Variants in CDS2 observed in about 807,000 individuals in gnomAD.
CDS2 encodes phosphatidate cytidylyltransferase 2.
Under a neutral mutation model 59.0 loss-of-function variants are expected in CDS2, and 47 were observed. The observed-to-expected ratio is 0.80, with a 90% confidence interval of 0.63 to 1.02. The LOEUF is 1.02. Ranked by LOEUF, CDS2 falls within the 50% of genes least tolerant of loss-of-function variation. The pLI, the probability that CDS2 is intolerant of heterozygous loss-of-function variation, is 0.00. For synonymous variants in CDS2, 207 were observed against 206.4 expected, an observed-to-expected ratio of 1.00 and a Z score of -0.02; for missense variants, 356 against 558.9, an observed-to-expected ratio of 0.64 and a Z score of 3.66.
chr20:5,178,674 T>G, intron 4 of CDS2, 143 bp from the exon 5 acceptor site: 1 of 695,482 alleles, frequency 1.4e-6, no homozygotes, highest in South Asian at 1.9e-5. Context: ...AACCATGGTC[T>G]GCCTGTTGCT....
intron 3 of CDS2, chr20:5,176,134 G>A (rs1205297989): frequency 6.5e-6 from 1 of 153,196 alleles, no homozygotes; most frequent in Non-Finnish European, 1.5e-5. Flanking sequence ...AAAGTTAATT[G>A]AGGGTCAGGC....
At chr20:5,127,634 G>A (rs1037692927) in intron 1 of CDS2, among the ~76,000 whole-genome samples, 1 of 152,198 alleles carries the variant, frequency 6.6e-6, no homozygotes, top group Non-Finnish European at 1.5e-5. Context: ...CCCTTCTTGG[G>A]CATGAAATCA....
At position 5,184,861 on chromosome 20, in the gene CDS2, C is replaced by T. The variant is rs200494742; in HGVS notation, c.675C>T (p.Phe225=). The T allele has an allele frequency of 6.2e-7, 1 of 1,613,044 alleles. No individual in the cohort carries two copies. The highest frequency in any genetic ancestry group is 8.5e-7 in the Non-Finnish European group (1 of 1,179,048). ...CCTTACTTTGGTTCATTTCTAGGTT[C>T]ATTGTCCCCATATCTTGTGTGATCT... is the stretch of plus-strand genomic sequence containing the variant. ...IHNLFEGMIW[F]IVPISCVICN... The change falls in exon 8 of 13, where the codon TTC becomes TTT. Residue 225 remains phenylalanine (F), a synonymous_variant. Transcript: ENST00000460006. This position sits in a 1 kb window ranked among gnomAD's most constrained non-coding sequence, Gnocchi z 4.3.
chr20:5,169,227 C>T (rs369931056), intron 1 of CDS2, among the ~76,000 whole-genome samples: 42 of 152,194 alleles, frequency 2.8e-4, no homozygotes, highest in Admixed American at 1.6e-3. Flanking sequence ...TCCCGGCCCT[C>T]GGGATTGAAA....
chr20:5,189,262 C>T (rs1568545713), intron 11 of CDS2, 76 bp downstream of exon 11: 2 of 1,541,450 alleles, frequency 1.3e-6, no homozygotes, highest in Non-Finnish European at 1.8e-6. Flanking sequence ...TCCCTGCCCC[C>T]TCCAAAATAC....
Position 5,193,761 on chromosome 20 carries a change from T to A in CDS2, c.*3527T>A, listed in dbSNP as rs2091135879. 1 of 152,218 alleles carries A rather than the reference T, an allele frequency of 6.6e-6. No homozygotes were observed. The highest frequency in any genetic ancestry group is 1.5e-5 in the Non-Finnish European group (1 of 68,040). 9.4% of individuals were successfully genotyped at this position (152,218 alleles called of 1,614,324 possible). ...ACTGTGAAGCAGGGGTCTTGTTAGT[T>A]ACAAAGCCAGTCCTAGTTGCATGTC... On this transcript the variant is annotated 3_prime_UTR_variant, in exon 13 of 13. Coordinates refer to ENST00000460006, the MANE Select transcript of CDS2 (RefSeq NM_003818.4).
intron 3 of CDS2, chr20:5,175,573 G>A: frequency 3.8e-6 from 1 of 262,320 alleles, no homozygotes; most frequent in South Asian, 3.8e-5. Flanking sequence ...GGATCACGAG[G>A]TCAGGAGTTT....
In CDS2 at chr20:5,175,178, C is replaced by T. The variant is rs762496309; in HGVS notation, c.195-5C>T. The T allele has an allele frequency of 6.2e-7, 1 of 1,611,682 alleles. No homozygotes were observed. Among genetic ancestry groups the T allele is most frequent in the African/African-American group, 1.3e-5 (1 of 74,960 alleles). On this transcript the variant is annotated splice_region_variant and splice_polypyrimidine_tract_variant and intron_variant, in intron 2 of 12. Coordinates refer to ENST00000460006, the MANE Select transcript of CDS2 (RefSeq NM_003818.4). ...GTTTTCTCCTTCCCCTGCTCTCTGA[C>T]CTAGATGGAAGAACTGGTGGGTGAG... is the stretch of plus-strand genomic sequence containing the variant.
Position 5,186,781 on chromosome 20 carries a change from A to C in CDS2, c.923A>C (p.Asp308Ala). ...NSFTVDCEPS[D>A]LFRLQEYNIP... The stretch of plus-strand genomic sequence containing the variant: ...TTCACTGTGGACTGTGAGCCCTCGG[A>C]CCTGTTTCGCCTGCAGGAGTACAAC... The change falls in exon 10 of 13, where the codon GAC becomes GCC. Residue 308 changes from aspartate (D) to alanine (A), a missense_variant. Around this residue, in one of 5 missense-constraint regions of CDS2, gnomAD observed 88 missense variants for 103.6 expected, o/e 0.85. Coordinates refer to ENST00000460006, the MANE Select transcript of CDS2 (RefSeq NM_003818.4). The C allele has an allele frequency of 6.2e-7, 1 of 1,614,064 alleles. No individual in the cohort carries two copies.
intron 1 of CDS2, among the ~76,000 whole-genome samples, chr20:5,136,786 T>C (rs1465384974): frequency 6.6e-6 from 1 of 152,174 alleles, no homozygotes; most frequent in Non-Finnish European, 1.5e-5. Context: ...CTGTCTCTCA[T>C]TTCCTTCCAA....
chr20:5,183,880 C>T (rs994435458), intron 7 of CDS2, among the ~76,000 whole-genome samples: 5 of 152,164 alleles, frequency 3.3e-5, no homozygotes, highest in Non-Finnish European at 7.3e-5. Context: ...GGTTAAAGGG[C>T]GGGCGCGGTG....
chr20:5,132,651 A>T (rs2090616974), intron 1 of CDS2, among the ~76,000 whole-genome samples: 1 of 152,214 alleles, frequency 6.6e-6, no homozygotes, highest in South Asian at 2.1e-4. Flanking sequence ...TAAAAAAATC[A>T]GTAAACCTTA....
At chr20:5,148,927 T>C (rs1014222877) in intron 1 of CDS2, among the ~76,000 whole-genome samples, 1 of 152,238 alleles carries the variant, frequency 6.6e-6, no homozygotes, top group African/African-American at 2.4e-5. Context: ...AACATACCAC[T>C]AAGGAGTAAC....
rs766251725 is a variant in CDS2 at position 5,176,713 on chromosome 20, A to G, written c.357A>G (p.Ser119=). The change falls in exon 4 of 13, where the codon TCA becomes TCG. Residue 119 remains serine, a synonymous_variant. Coordinates refer to ENST00000460006, the MANE Select transcript of CDS2 (RefSeq NM_003818.4). ...IITIGYNVYH[S]YDLPWFRTLS... ...CTATTGGCTACAACGTCTACCACTCATATGATCTGCCCTGGTTCAGGACGC... is the reference window on the plus strand; with the variant it reads ...CTATTGGCTACAACGTCTACCACTCGTATGATCTGCCCTGGTTCAGGACGC... 7 of 1,613,960 alleles carry G rather than the reference A, an allele frequency of 4.3e-6. No homozygotes were observed. The East Asian group carries it at 1.3e-4, about 31-fold the overall frequency.
chr20:5,187,006 A>G, intron 10 of CDS2, 167 bp downstream of exon 10: 1 of 569,812 alleles, frequency 1.8e-6, no homozygotes, highest in South Asian at 1.9e-5. Flanking sequence ...TGGGCAGGAC[A>G]GCTTTCCCCC....
intron 1 of CDS2, among the ~76,000 whole-genome samples, chr20:5,153,630 A>G (rs1258053392): frequency 6.6e-6 from 1 of 152,224 alleles, no homozygotes; most frequent in East Asian, 1.9e-4. Context: ...AAGATCGTAT[A>G]GCTTGTACTG....
At chr20:5,145,114 G>T (rs1473400619) in intron 1 of CDS2, among the ~76,000 whole-genome samples, 5 of 151,898 alleles carry the variant, frequency 3.3e-5, no homozygotes, top group African/African-American at 1.2e-4. Flanking sequence ...GGGGAGACAA[G>T]ACACAGTAGT....
intron 1 of CDS2, among the ~76,000 whole-genome samples, chr20:5,145,556 C>G (rs192503742): frequency 4.7e-4 from 72 of 152,244 alleles, no homozygotes; most frequent in African/African-American, 1.7e-3. Context: ...GCTCCTTCTT[C>G]CTCCAGAGCC....
chr20:5,129,088 C>T (rs563907530), intron 1 of CDS2, among the ~76,000 whole-genome samples: 1 of 152,220 alleles, frequency 6.6e-6, no homozygotes, highest in Admixed American at 6.5e-5. Flanking sequence ...TAGAGGTGCA[C>T]TTATATCACT....
Sources: gnomAD v4.1 joint callset for allele counts (sites outside exome capture counted in the v4.1 genomes callset) on GRCh38, gnomAD v4.1.1 for gene constraint, gnomAD v4.1.1 regional missense constraint, Gnocchi (gnomAD v3.1) non-coding constraint, MANE v1.5 for transcripts, NCBI Gene and HGNC (gene_info 2026-07-23, HGNC 2026-07-21) for gene names.